The following SMCP variants were observed in gnomAD, a reference collection of about 807,000 sequenced individuals.
SMCP encodes the protein sperm mitochondrial-associated cysteine-rich protein.
For synonymous variants in SMCP, 41 were observed against 46.9 expected, an observed-to-expected ratio of 0.87 and a Z score of 0.51; for missense variants, 137 against 137.1, an observed-to-expected ratio of 1.00 and a Z score of 0.01.
chr1:152,884,326 T>G (rs961266905), intron 1 of SMCP, 77 bp from the exon 2 acceptor site: 12 of 1,214,074 alleles, frequency 9.9e-6, no homozygotes, highest in Admixed American at 6.4e-5. Context: ...ATGGATGTAT[T>G]TGGGTGTCAA....
At chr1:152,881,139 T>A (rs542581851) in intron 1 of SMCP, among the ~76,000 whole-genome samples, 1 of 152,130 alleles carries the variant, frequency 6.6e-6, no homozygotes, top group African/African-American at 2.4e-5. Context: ...GGACCCAGTT[T>A]GTACACTATG....
At chr1:152,884,329 G>C (rs2101623890) in intron 1 of SMCP, 74 bp from the exon 2 acceptor site, 3 of 1,227,046 alleles carry the variant, frequency 2.4e-6, no homozygotes, top group East Asian at 2.5e-5. Context: ...GATGTATTTG[G>C]GTGTCAAGAA....
chr1:152,879,039 G>C (rs546802957), intron 1 of SMCP, among the ~76,000 whole-genome samples: 28 of 152,290 alleles, frequency 1.8e-4, no homozygotes, highest in African/African-American at 4.6e-4. Flanking sequence ...GAGCCCTCCT[G>C]GTGGTTTGGG....
intron 1 of SMCP, among the ~76,000 whole-genome samples, chr1:152,882,656 G>A (rs4363387): frequency 2.0e-5 from 3 of 150,890 alleles, no homozygotes; most frequent in Non-Finnish European, 4.4e-5. Context: ...CATGCACTTA[G>A]GTGCACACAC....
Position 152,884,473 on chromosome 1 carries a change from A to G in SMCP, c.51A>G (p.Gln17=). Residue 17 remains glutamine, a synonymous_variant, in exon 2 of 2, where the codon CAA becomes CAG. Transcript: ENST00000368765. ...AATGCTGCCCAGCAAAAGGCAATCA[A>G]TGCTGCCCACCACAGCAGAACCAGT... ...HSKCCPAKGN[Q]CCPPQQNQCC... 1 of 1,614,022 alleles carries G rather than the reference A, an allele frequency of 6.2e-7. No individual in the cohort carries two copies. The highest frequency in any genetic ancestry group is 8.5e-7 in the Non-Finnish European group (1 of 1,179,912).
In SMCP at chr1:152,884,869, A is replaced by G; in HGVS notation, c.*96A>G. ...TGAGAGTCAGGCTAGACCTGTGTTT[A>G]GAGAAGCAGTTTTCACAGTGACTAC... On this transcript the variant is annotated 3_prime_UTR_variant, in exon 2 of 2. Transcript: ENST00000368765. The G allele has an allele frequency of 8.9e-7, 1 of 1,123,854 alleles. No individual in the cohort carries two copies. The highest frequency in any genetic ancestry group is 1.3e-6 in the Non-Finnish European group (1 of 786,102). 69.6% of individuals were successfully genotyped at this position (1,123,854 alleles called of 1,614,324 possible). A position where few individuals can be genotyped will look rare whatever the true frequency, so the allele number is the denominator to read the frequency against.
chr1:152,882,846 C>T (rs1649098447), intron 1 of SMCP, among the ~76,000 whole-genome samples: 1 of 152,210 alleles, frequency 6.6e-6, no homozygotes, highest in Non-Finnish European at 1.5e-5. Context: ...GAGTTCGAGA[C>T]CAGCCTGGCT....
At position 152,879,433 on chromosome 1, in the gene SMCP, C is replaced by A. The variant is rs1648967314; in HGVS notation, c.-21+987C>A. Among the ~76,000 whole-genome samples, 3 of 152,152 alleles carry A rather than the reference C, an allele frequency of 2.0e-5. No individual in the cohort carries two copies. The South Asian group carries it at 6.2e-4, about 32-fold the overall frequency. On this transcript the variant is annotated intron_variant, in intron 1 of 1. Coordinates refer to ENST00000368765, the MANE Select transcript of SMCP (RefSeq NM_030663.3). ...ATGGAGTTTTGCCATGTTGGCCAGG[C>A]TGGTCTCAAACTCCTGACCTCAAGT...
At chr1:152,884,358 G>C in intron 1 of SMCP, 45 bp from the exon 2 acceptor site, 1 of 1,487,116 alleles carries the variant, frequency 6.7e-7, no homozygotes, top group Non-Finnish European at 9.2e-7. Flanking sequence ...ATGAAAGCAG[G>C]CACCCAGATT....
chr1:152,884,515 C>G lies in SMCP; in HGVS notation c.93C>G (p.Gly31=), dbSNP rs772058870. The G allele has an allele frequency of 2.2e-5, 35 of 1,613,972 alleles. No homozygotes were observed. The South Asian group carries it at 3.1e-4, about 14-fold the overall frequency. ...PQQNQCCQSK[G]NQCCPPKQNQ... is the part of the protein sequence containing the mutation. ...AGAACCAGTGCTGCCAGTCAAAAGGCAATCAATGCTGCCCACCAAAACAGA... is the reference window on the plus strand; with the variant it reads ...AGAACCAGTGCTGCCAGTCAAAAGGGAATCAATGCTGCCCACCAAAACAGA... The change falls in exon 2 of 2, where the codon GGC becomes GGG. Residue 31 remains glycine, a synonymous_variant. Coordinates refer to ENST00000368765, the MANE Select transcript of SMCP (RefSeq NM_030663.3).
At chr1:152,882,959 G>T (rs924078281) in intron 1 of SMCP, among the ~76,000 whole-genome samples, 7 of 152,204 alleles carry the variant, frequency 4.6e-5, no homozygotes, top group Non-Finnish European at 8.8e-5. Flanking sequence ...CAGGAGAATC[G>T]CTTGAACCTG....
Position 152,884,387 on chromosome 1 carries a change from T to A in SMCP, c.-20-16T>A. ...CCAGATTTCCTTCTGATGAGAATAT[T>A]ATTTTCTTTTTCTAGTACCTCCAAG... On this transcript the variant is annotated splice_polypyrimidine_tract_variant and intron_variant, in intron 1 of 1. Transcript: ENST00000368765. 1 of 1,604,164 alleles carries A rather than the reference T, an allele frequency of 6.2e-7. No homozygotes were observed.
chr1:152,884,451 G>T lies in SMCP; in HGVS notation c.29G>T (p.Cys10Phe), dbSNP rs781673649. The T allele has an allele frequency of 3.1e-6, 5 of 1,614,062 alleles. No homozygotes were observed. The highest frequency in any genetic ancestry group is 4.2e-6 in the Non-Finnish European group (5 of 1,180,056). MCDQTKHSK[C>F]CPAKGNQCCP... ...TGTGACCAGACAAAACACAGTAAAT[G>T]CTGCCCAGCAAAAGGCAATCAATGC... The change falls in exon 2 of 2, where the codon TGC becomes TTC. Residue 10 changes from cysteine to phenylalanine, a missense_variant. Transcript: ENST00000368765.
At chr1:152,883,538 A>G (rs1312615101) in intron 1 of SMCP, among the ~76,000 whole-genome samples, 1 of 152,210 alleles carries the variant, frequency 6.6e-6, no homozygotes, top group Non-Finnish European at 1.5e-5. Flanking sequence ...GAAGTAAAGC[A>G]AGAGTTGTTT....
At chr1:152,883,453 T>A (rs1435769908) in intron 1 of SMCP, among the ~76,000 whole-genome samples, 1 of 152,194 alleles carries the variant, frequency 6.6e-6, no homozygotes, top group Non-Finnish European at 1.5e-5. Context: ...CTCCAGGGGC[T>A]GCATACCTGG....
At position 152,880,415 on chromosome 1, in the gene SMCP, G is replaced by T. The variant is rs926059971; in HGVS notation, c.-21+1969G>T. Reference sequence around the variant, plus strand: ...TCAAACAGCTTTGAACACTGCAAAGGTGGTAGAGAACATGGCCCTGTACTC... The same window carrying T: ...TCAAACAGCTTTGAACACTGCAAAGTTGGTAGAGAACATGGCCCTGTACTC... On this transcript the variant is annotated intron_variant, in intron 1 of 1. Coordinates refer to ENST00000368765, the MANE Select transcript of SMCP (RefSeq NM_030663.3). Among the ~76,000 whole-genome samples, 6 of 152,116 alleles carry T rather than the reference G, an allele frequency of 3.9e-5. No individual in the cohort carries two copies. The East Asian group carries it at 7.7e-4, about 20-fold the overall frequency.
intron 1 of SMCP, among the ~76,000 whole-genome samples, chr1:152,882,124 T>C (rs7556490): frequency 0.12 from 18,026 of 152,142 alleles, 2,681 homozygotes; most frequent in East Asian, 0.52. Flanking sequence ...TACAGGCACC[T>C]GCCACCATGC....
At chr1:152,883,663 T>C (rs971830152) in intron 1 of SMCP, among the ~76,000 whole-genome samples, 1 of 152,166 alleles carries the variant, frequency 6.6e-6, no homozygotes, top group Admixed American at 6.5e-5. Flanking sequence ...TGCCCCTTTA[T>C]AGAGGAAGAG....
chr1:152,882,937 C>T (rs1004339679), intron 1 of SMCP, among the ~76,000 whole-genome samples: 15 of 152,228 alleles, frequency 9.9e-5, no homozygotes, highest in South Asian at 6.2e-4. Flanking sequence ...TCAGGTACTC[C>T]GGAGGCCGAG....
Sources: gnomAD v4.1 joint callset for allele counts (sites outside exome capture counted in the v4.1 genomes callset) on GRCh38, gnomAD v4.1.1 for gene constraint, MANE v1.5 for transcripts, NCBI Gene and HGNC (gene_info 2026-07-23, HGNC 2026-07-21) for gene names.